The following CA6 variants were observed in gnomAD, a reference collection of about 807,000 sequenced individuals.
The protein encoded by CA6 is carbonic anhydrase 6.
Under a neutral mutation model 35.9 loss-of-function variants are expected in CA6, and 28 were observed. That is an observed-to-expected ratio of 0.78 (90% confidence interval 0.58 to 1.07). The LOEUF is 1.07. CA6 is among the 50% of genes least tolerant of loss of function. The pLI is 0.00. For missense variants in CA6, 377 were observed against 382.0 expected (o/e 0.99, Z 0.11); for synonymous variants, 148 against 152.6 (o/e 0.97, Z 0.22).
intron 7 of CA6, among the ~76,000 whole-genome samples, chr1:8,973,717 TTTC>T (rs1256082522): frequency 1.1e-4 from 1 of 9,456 alleles, no homozygotes; most frequent in Non-Finnish European, 1.9e-4. Context: ...TCTCTCTTTC[TTTC>T]TTTCTTTCTT....
rs930391180 is a variant in CA6 at position 8,970,752 on chromosome 1, CA to C, written c.730-114del. 163 of 739,370 alleles carry C rather than the reference CA, an allele frequency of 2.2e-4. No homozygotes were observed. The Middle Eastern group carries it at 3.5e-3, about 16-fold the overall frequency. The allele number at this position is 739,370 out of a possible 1,614,324, so 45.8% of individuals were successfully genotyped here. ...CTGAGCTCAAGTGATCTGCCCGCCC[CA>C]GCCTCCCAAAATGCTGGGATTACAG... On this transcript the variant is annotated intron_variant, in intron 6 of 7. Transcript: ENST00000377443.
chr1:8,949,550 G>A (rs35311333), intron 2 of CA6, 108 bp downstream of exon 2: 9,815 of 975,242 alleles, frequency 0.01, 78 homozygotes, highest in Non-Finnish European at 0.012. Context: ...ACAGAGCACG[G>A]CCTCAGAGCT....
At chr1:8,962,852 T>C (rs1639876494) in intron 5 of CA6, among the ~76,000 whole-genome samples, 196 bp downstream of exon 5, 1 of 152,250 alleles carries the variant, frequency 6.6e-6, no homozygotes, top group African/African-American at 2.4e-5. Context: ...CAAACCTCTC[T>C]GAGAAGCCTG....
At chr1:8,970,381 G>T (rs888713274) in intron 6 of CA6, among the ~76,000 whole-genome samples, 1 of 152,104 alleles carries the variant, frequency 6.6e-6, no homozygotes, top group African/African-American at 2.4e-5. Flanking sequence ...AAGAATGCAC[G>T]GATAGATTAG....
chr1:8,964,690 C>G (rs1569709876), intron 5 of CA6, among the ~76,000 whole-genome samples: 2 of 152,346 alleles, frequency 1.3e-5, no homozygotes, highest in Middle Eastern at 3.4e-3. Flanking sequence ...TCTGGCTCCC[C>G]TTGAAAAGGT....
In CA6 at chr1:8,974,326, A is replaced by G. The variant is rs748293927; in HGVS notation, c.845-296A>G. On this transcript the variant is annotated intron_variant, in intron 7 of 7. Transcript: ENST00000377443. ...GGACCTCTTGCGATTTATTTACTAGAAAACGCCTATATCCCCTCAGGCAAG... is the reference window on the plus strand; with the variant it reads ...GGACCTCTTGCGATTTATTTACTAGGAAACGCCTATATCCCCTCAGGCAAG... 1.8e-5 allele frequency: 26 copies of G among 1,425,140 alleles called. 1 individual carries two copies. In the South Asian group the frequency reaches 3.6e-4, roughly 20 times the overall value. The allele number at this position is 1,425,140 out of a possible 1,614,324, so 88.3% of individuals were successfully genotyped here. A position where few individuals can be genotyped will look rare whatever the true frequency, so the allele number is the denominator to read the frequency against.
rs1291133605 is a variant in CA6 at position 8,963,346 on chromosome 1, C to T, written c.571+690C>T. Among the ~76,000 whole-genome samples the T allele has an allele frequency of 6.6e-6, 1 of 152,106 alleles. No individual in the cohort carries two copies. The highest frequency in any genetic ancestry group is 1.5e-5 in the Non-Finnish European group (1 of 68,022). ...CATCTCTCTCCCAGCTTAGATTCCA[C>T]CCCGATACTCTCAAGTCTCCCTCAA... is the stretch of plus-strand genomic sequence containing the variant. On this transcript the variant is annotated intron_variant, in intron 5 of 7. Coordinates refer to ENST00000377443, the MANE Select transcript of CA6 (RefSeq NM_001215.4). This position sits in a 1 kb window ranked among gnomAD's most constrained non-coding sequence, Gnocchi z 4.1.
At chr1:8,957,346 A>G in intron 3 of CA6, 61 bp downstream of exon 3, 7 of 1,464,030 alleles carry the variant, frequency 4.8e-6, no homozygotes, top group Non-Finnish European at 6.5e-6. Flanking sequence ...TTTTCTTTTT[A>G]TTTATTTATT....
rs116366173 is a variant in CA6 at position 8,971,277 on chromosome 1, G to A, written c.844+296G>A. Among the ~76,000 whole-genome samples, 697 of 151,874 alleles carry A rather than the reference G, an allele frequency of 4.6e-3. 2 individuals carry two copies. The highest frequency in any genetic ancestry group is 7.5e-3 in the Non-Finnish European group (510 of 67,964). On this transcript the variant is annotated intron_variant, in intron 7 of 7. Coordinates refer to ENST00000377443, the MANE Select transcript of CA6 (RefSeq NM_001215.4). Reference sequence around the variant, plus strand: ...GAGAAGCAAGAAGACCACAACATCCGGAAGCTCTCACAAGAGTGTAGGTTC... The same window carrying A: ...GAGAAGCAAGAAGACCACAACATCCAGAAGCTCTCACAAGAGTGTAGGTTC...
intron 3 of CA6, among the ~76,000 whole-genome samples, chr1:8,957,814 C>T (rs1291705246): frequency 1.3e-5 from 2 of 149,534 alleles, no homozygotes; most frequent in Non-Finnish European, 3.0e-5. Context: ...AAAAATTAGC[C>T]AGGAGTGGTG....
intron 6 of CA6, among the ~76,000 whole-genome samples, chr1:8,969,565 C>T (rs1298832358): frequency 1.3e-5 from 2 of 151,962 alleles, no homozygotes; most frequent in African/African-American, 4.8e-5. Flanking sequence ...TATTGGCTGA[C>T]AATTTTCAGG....
At chr1:8,969,353 G>T (rs78015621) in intron 6 of CA6, among the ~76,000 whole-genome samples, 2 of 151,784 alleles carry the variant, frequency 1.3e-5, no homozygotes, top group Non-Finnish European at 2.9e-5. Context: ...TGGGTTTAAC[G>T]CATGTTAGAT....
At chr1:8,970,747 C>A in intron 6 of CA6, 120 bp from the exon 7 acceptor site, 1 of 718,690 alleles carries the variant, frequency 1.4e-6, no homozygotes, top group East Asian at 2.6e-5. Flanking sequence ...GTGATCTGCC[C>A]GCCCCAGCCT....
chr1:8,960,787 C>CAT lies in CA6; in HGVS notation c.501+1786_501+1787insTA, dbSNP rs1491277382. Among the ~76,000 whole-genome samples, 278 of 95,074 alleles carry CAT rather than the reference C, an allele frequency of 2.9e-3. 3 individuals carry two copies. Among genetic ancestry groups the CAT allele is most frequent in the East Asian group, 8.3e-3 (27 of 3,234 alleles). 62.4% of individuals were successfully genotyped at this position (95,074 alleles called of 152,430 possible). A position where few individuals can be genotyped will look rare whatever the true frequency, so the allele number is the denominator to read the frequency against. ...ACACACACACACACACACACACACA[C>CAT]ACATATATATAATGGGAGTCCCAGA... On this transcript the variant is annotated intron_variant, in intron 4 of 7. Coordinates refer to ENST00000377443, the MANE Select transcript of CA6 (RefSeq NM_001215.4).
chr1:8,970,324 C>T (rs1640075871), intron 6 of CA6, among the ~76,000 whole-genome samples: 1 of 151,322 alleles, frequency 6.6e-6, no homozygotes, highest in South Asian at 2.1e-4. Context: ...TGGACAAATA[C>T]TCATATAAAA....
intron 4 of CA6, 114 bp from the exon 5 acceptor site, chr1:8,962,473 C>T (rs977421575): frequency 1.2e-6 from 1 of 854,508 alleles, no homozygotes; most frequent in African/African-American, 1.7e-5. Flanking sequence ...CAGGCTGCCT[C>T]TCCTTACTCT....
chr1:8,974,549 G>T (rs2124203966), intron 7 of CA6, 73 bp from the exon 8 acceptor site: 10 of 1,411,300 alleles, frequency 7.1e-6, no homozygotes, highest in Non-Finnish European at 9.9e-6. Flanking sequence ...ATGGTGTCTG[G>T]CCGTCCCCCT....
chr1:8,955,271 G>A (rs1569675869), intron 2 of CA6, among the ~76,000 whole-genome samples: 1 of 152,202 alleles, frequency 6.6e-6, no homozygotes, highest in Non-Finnish European at 1.5e-5. Flanking sequence ...TGCTACTTGA[G>A]GGGCTGAGGC....
chr1:8,960,552 A>T (rs1639811518), intron 4 of CA6, among the ~76,000 whole-genome samples: 1 of 152,128 alleles, frequency 6.6e-6, no homozygotes, highest in African/African-American at 2.4e-5. Context: ...TCTAGAGTTG[A>T]AAAGTACAAT....
Sources: gnomAD v4.1 joint callset for allele counts (sites outside exome capture counted in the v4.1 genomes callset) on GRCh38, gnomAD v4.1.1 for gene constraint, Gnocchi (gnomAD v3.1) non-coding constraint, MANE v1.5 for transcripts, NCBI Gene and HGNC (gene_info 2026-07-23, HGNC 2026-07-21) for gene names.